Variants in ADAMTSL1 observed in about 807,000 individuals in gnomAD.
ADAMTSL1 encodes ADAMTS-like protein 1.
Under a neutral mutation model 201.8 loss-of-function variants are expected in ADAMTSL1, and 126 were observed. The observed-to-expected ratio is 0.62, with a 90% CI of 0.54 to 0.72. The LOEUF (loss-of-function observed/expected upper bound fraction) is 0.72, where lower values mean the gene tolerates loss of function less well. Among genes scored for constraint, ADAMTSL1 ranks in the 30% least tolerant of loss-of-function variants. The probability of loss-of-function intolerance (pLI) is 0.00; values close to 1 mark genes in which losing one functional copy is unlikely to be tolerated. For missense variants in ADAMTSL1, 2,679 were observed against 2,277.8 expected (o/e 1.18, Z -3.59); for synonymous variants, 1,121 against 903.4 (o/e 1.24, Z -4.32).
intron 1 of ADAMTSL1, among the ~76,000 whole-genome samples, chr9:17,928,138 G>C (rs1439746272): frequency 6.6e-6 from 1 of 151,806 alleles, no homozygotes; most frequent in Non-Finnish European, 1.5e-5. Flanking sequence ...GGGACTACAG[G>C]GATACGCCAA....
At chr9:18,724,140 A>G (rs1437468963) in intron 15 of ADAMTSL1, among the ~76,000 whole-genome samples, 1 of 152,252 alleles carries the variant, frequency 6.6e-6, no homozygotes, top group Non-Finnish European at 1.5e-5. Context: ...TCAGTGGGAC[A>G]TAACAAAATG....
At chr9:18,859,396 T>G (rs1454939538) in intron 23 of ADAMTSL1, among the ~76,000 whole-genome samples, 1 of 152,210 alleles carries the variant, frequency 6.6e-6, no homozygotes, top group Admixed American at 6.5e-5. Flanking sequence ...ACATGAGGCC[T>G]ACTTGCATAA....
chr9:18,824,690 CTT>C (rs34551511), intron 21 of ADAMTSL1, among the ~76,000 whole-genome samples: 3 of 75,698 alleles, frequency 4.0e-5, no homozygotes, highest in African/African-American at 5.6e-5. Flanking sequence ...GGACTTGACC[CTT>C]TTTTTTTTTT....
chr9:18,296,007 A>G (rs1262298400), intron 2 of ADAMTSL1, among the ~76,000 whole-genome samples: 1 of 152,236 alleles, frequency 6.6e-6, no homozygotes, highest in Non-Finnish European at 1.5e-5. Context: ...GCAATATAAC[A>G]TGAAATGCAT....
intron 13 of ADAMTSL1, among the ~76,000 whole-genome samples, chr9:18,685,887 A>G (rs1160417144): frequency 6.6e-6 from 1 of 152,172 alleles, no homozygotes; most frequent in African/African-American, 2.4e-5. Flanking sequence ...CACATACACC[A>G]AAAGGATGCA....
chr9:18,132,934 G>A (rs1226581127), intron 1 of ADAMTSL1, among the ~76,000 whole-genome samples: 5 of 152,074 alleles, frequency 3.3e-5, no homozygotes, highest in South Asian at 2.1e-4. Context: ...CGGAGATAGC[G>A]TTCAGACTGT....
chr9:18,499,302 A>G (rs986902254), intron 1 of ADAMTSL1, among the ~76,000 whole-genome samples: 3 of 152,254 alleles, frequency 2.0e-5, no homozygotes, highest in African/African-American at 7.2e-5. Flanking sequence ...CAAAAAGCTA[A>G]TGGACTTTTA....
At chr9:18,688,922 A>C (rs1443620216) in intron 13 of ADAMTSL1, among the ~76,000 whole-genome samples, 2 of 151,378 alleles carry the variant, frequency 1.3e-5, no homozygotes, top group East Asian at 3.9e-4. Context: ...GGATGGGAAA[A>C]ATACTGATAA....
chr9:18,135,966 G>A (rs1162136476), intron 1 of ADAMTSL1, among the ~76,000 whole-genome samples: 1 of 152,126 alleles, frequency 6.6e-6, no homozygotes, highest in Non-Finnish European at 1.5e-5. Context: ...CATTTAAGAT[G>A]AGGAATCCAA....
chr9:18,144,426 G>C (rs998341502), intron 1 of ADAMTSL1, among the ~76,000 whole-genome samples: 8 of 151,944 alleles, frequency 5.3e-5, no homozygotes, highest in Non-Finnish European at 8.8e-5. Context: ...GGCTGGTCTC[G>C]AGCTCCTGAC....
chr9:18,745,450 C>T (rs937327756), intron 15 of ADAMTSL1, among the ~76,000 whole-genome samples: 2 of 152,234 alleles, frequency 1.3e-5, no homozygotes, highest in South Asian at 2.1e-4. Context: ...TTGAGCACTT[C>T]TCAATTTTCT....
intron 10 of ADAMTSL1, among the ~76,000 whole-genome samples, chr9:18,677,801 C>A (rs1363948826): frequency 6.6e-6 from 1 of 151,830 alleles, no homozygotes; most frequent in African/African-American, 2.4e-5. Context: ...TGGGAAAGAA[C>A]AATAAATTTT....
rs903756477 is a variant in ADAMTSL1 at position 18,737,303 on chromosome 9, G to C, written c.2006+15638G>C. ...CATTGCACTCCAGCCTGCCCAACAA[G>C]AGTGAAACTCTGTCTCAAAAAAAAA... is the stretch of plus-strand genomic sequence containing the variant. On this transcript the variant is annotated intron_variant, in intron 15 of 28. Coordinates refer to ENST00000380548, the MANE Select transcript of ADAMTSL1 (RefSeq NM_001040272.6). Among the ~76,000 whole-genome samples, 5 of 103,564 alleles carry C rather than the reference G, an allele frequency of 4.8e-5. No homozygotes were observed. The East Asian group carries it at 1.6e-3, about 33-fold the overall frequency. 67.9% of individuals were successfully genotyped at this position (103,564 alleles called of 152,430 possible). A position where few individuals can be genotyped will look rare whatever the true frequency, so the allele number is the denominator to read the frequency against.
chr9:18,361,802 A>G (rs1440329927), intron 2 of ADAMTSL1, among the ~76,000 whole-genome samples: 2 of 152,320 alleles, frequency 1.3e-5, no homozygotes, highest in African/African-American at 4.8e-5. Flanking sequence ...ACCAAACCCA[A>G]CTAAATGAAT....
At chr9:18,846,400 G>A (rs867357091) in intron 23 of ADAMTSL1, among the ~76,000 whole-genome samples, 4 of 152,146 alleles carry the variant, frequency 2.6e-5, no homozygotes, top group Non-Finnish European at 5.9e-5. Flanking sequence ...GGGGACGAGC[G>A]CTTCAGGTAG....
intron 7 of ADAMTSL1, among the ~76,000 whole-genome samples, chr9:18,644,615 T>C (rs1202767878): frequency 6.1e-5 from 9 of 148,110 alleles, no homozygotes; most frequent in South Asian, 2.2e-4. Flanking sequence ...TCAATTCCCA[T>C]CTATGAGTGA....
chr9:18,645,298 A>C (rs1345805373), intron 7 of ADAMTSL1, among the ~76,000 whole-genome samples: 2 of 152,232 alleles, frequency 1.3e-5, no homozygotes, highest in African/African-American at 2.4e-5. Flanking sequence ...GCCCTTTGTC[A>C]GATGAGTAGA....
chr9:18,886,260 A>G (rs578202486), intron 23 of ADAMTSL1, among the ~76,000 whole-genome samples: 2 of 149,064 alleles, frequency 1.3e-5, no homozygotes, highest in South Asian at 4.3e-4. Flanking sequence ...ACATACACAC[A>G]CACAGAAATT....
rs375320948 is a variant in ADAMTSL1 at position 18,770,670 on chromosome 9, C to T, written c.2286C>T (p.Gly762=). The change falls in exon 17 of 29, where the codon GGC becomes GGT. Residue 762 remains glycine (G), a synonymous_variant. Coordinates refer to ENST00000380548, the MANE Select transcript of ADAMTSL1 (RefSeq NM_001040272.6). ...TTTGCAAGCAGCGCATGGCTGATGGCAGCTTCCTGGAGCTTCCTGAGACCT... is the reference window on the plus strand; with the variant it reads ...TTTGCAAGCAGCGCATGGCTGATGGTAGCTTCCTGGAGCTTCCTGAGACCT... The part of the protein sequence containing the change: ...EVLCKQRMAD[G]SFLELPETFC... The T allele has an allele frequency of 1.2e-5, 20 of 1,613,520 alleles. No homozygotes were observed. The highest frequency in any genetic ancestry group is 2.2e-5 in the East Asian group (1 of 44,890).
Sources: gnomAD v4.1 joint callset for allele counts (sites outside exome capture counted in the v4.1 genomes callset) on GRCh38, gnomAD v4.1.1 for gene constraint, MANE v1.5 for transcripts, NCBI Gene and HGNC (gene_info 2026-07-23, HGNC 2026-07-21) for gene names.